Variants in IL1RAPL1 observed in about 807,000 individuals in gnomAD.
The protein encoded by IL1RAPL1 is interleukin 1 receptor accessory protein like 1, also known as interleukin-1 receptor accessory protein-like 1.
In IL1RAPL1, 3 loss-of-function variants were observed where a neutral mutation model predicts 48.4. That is an observed-to-expected ratio of 0.06 (90% CI 0.03 to 0.16). The LOEUF is 0.16. Ranked by LOEUF, IL1RAPL1 falls within the 10% of genes least tolerant of loss-of-function variation. IL1RAPL1 has a pLI of 1.00. For missense variants in IL1RAPL1, 349 were observed against 530.6 expected (o/e 0.66, Z 3.36); for synonymous variants, 185 against 187.7 (o/e 0.99, Z 0.12).
At chrX:29,245,338 G>A (rs1931491515) in intron 2 of IL1RAPL1, among the ~76,000 whole-genome samples, 1 of 111,331 alleles carries the variant, frequency 9.0e-6, no homozygotes, top group Admixed American at 9.5e-5. Flanking sequence ...CTAGATCCTT[G>A]AGGAATCACC....
At chrX:28,701,426 C>T (rs1935295694) in intron 1 of IL1RAPL1, among the ~76,000 whole-genome samples, 1 of 111,628 alleles carries the variant, frequency 9.0e-6, no homozygotes, top group Non-Finnish European at 1.9e-5. Flanking sequence ...CAGTTATTTT[C>T]CTGCCATGAT....
intron 3 of IL1RAPL1, among the ~76,000 whole-genome samples, chrX:29,289,423 C>G (rs1447294848): frequency 8.9e-6 from 1 of 111,733 alleles, no homozygotes; most frequent in East Asian, 2.8e-4. Context: ...TTTTTTATTC[C>G]ATACCTTTGT....
chrX:29,600,312 A>G lies in IL1RAPL1; in HGVS notation c.704-68118A>G, dbSNP rs142093075. On this transcript the variant is annotated intron_variant, in intron 5 of 10. Transcript: ENST00000378993. ...TTGCTCTTCTGGGTCTAGCCACCCA[A>G]TGGAGCTACTGGGCTCTGGGCTGGT... Among the ~76,000 whole-genome samples, 934 of 111,848 alleles carry G rather than the reference A, an allele frequency of 8.4e-3. 13 individuals are homozygous for G. Among genetic ancestry groups the G allele is most frequent in the African/African-American group, 0.029 (881 of 30,711 alleles).
chrX:29,788,450 A>G (rs762767570), intron 6 of IL1RAPL1, among the ~76,000 whole-genome samples: 8 of 111,695 alleles, frequency 7.2e-5, no homozygotes, highest in African/African-American at 9.8e-5. Context: ...CATTATCTGC[A>G]CTCTAATCTG....
intron 3 of IL1RAPL1, among the ~76,000 whole-genome samples, chrX:29,354,905 T>A (rs1030538688): frequency 5.4e-5 from 6 of 112,028 alleles, no homozygotes; most frequent in Admixed American, 9.5e-5. Flanking sequence ...TATACATGGG[T>A]GATACCCAAG....
chrX:28,904,747 T>C (rs1923173273), intron 2 of IL1RAPL1, among the ~76,000 whole-genome samples: 1 of 111,991 alleles, frequency 8.9e-6, no homozygotes, highest in South Asian at 3.7e-4. Context: ...ATATGAGATT[T>C]AAACCCAATG....
At chrX:28,734,859 C>G (rs1361093642) in intron 1 of IL1RAPL1, among the ~76,000 whole-genome samples, 1 of 111,501 alleles carries the variant, frequency 9.0e-6, no homozygotes, top group African/African-American at 3.3e-5. Flanking sequence ...TTTTCCTCTC[C>G]CCTACAAATA....
chrX:28,911,281 T>C (rs1023120521), intron 2 of IL1RAPL1, among the ~76,000 whole-genome samples: 1 of 111,737 alleles, frequency 8.9e-6, no homozygotes, highest in Admixed American at 9.5e-5. Context: ...AGCTTTTTTT[T>C]CTGGAAGTAA....
rs761097531 is a variant in IL1RAPL1, at chrX:29,089,001, G to GCTT, written c.83-193937_83-193936insCTT. 2.9e-4 allele frequency among the ~76,000 whole-genome samples: 32 copies of GCTT among 111,388 alleles called. No homozygotes were observed. In the South Asian group the frequency reaches 0.011, roughly 39 times the overall value. On this transcript the variant is annotated intron_variant, in intron 2 of 10. Transcript: ENST00000378993. ...AAAAAATGTTTCCTGGAGAAAATGA[G>GCTT]AACAGTCCTACCTTTAAGCAAATTG... is the stretch of plus-strand genomic sequence containing the variant.
intron 5 of IL1RAPL1, among the ~76,000 whole-genome samples, chrX:29,575,090 G>T (rs1440528776): frequency 1.8e-5 from 2 of 111,592 alleles, no homozygotes; most frequent in African/African-American, 6.5e-5. Flanking sequence ...CTTCTTCTGA[G>T]CCCTCCAACT....
At chrX:29,928,487 AT>A (rs1228856629) in intron 8 of IL1RAPL1, among the ~76,000 whole-genome samples, 2 of 111,783 alleles carry the variant, frequency 1.8e-5, no homozygotes, top group Non-Finnish European at 3.8e-5. Flanking sequence ...CCCACTACAA[AT>A]CTCACTTCAC....
chrX:28,945,981 A>G (rs1162234273), intron 2 of IL1RAPL1, among the ~76,000 whole-genome samples: 1 of 108,510 alleles, frequency 9.2e-6, no homozygotes, highest in Non-Finnish European at 1.9e-5. Context: ...AATCCAGTAC[A>G]TAGAAAAGCA....
chrX:29,557,866 AAT>A (rs1240358868), intron 5 of IL1RAPL1, among the ~76,000 whole-genome samples: 4 of 111,218 alleles, frequency 3.6e-5, no homozygotes, highest in African/African-American at 1.3e-4. Context: ...TTTAAAAAAA[AAT>A]GCTAAATAAT....
chrX:28,695,638 A>C (rs1288654945), intron 1 of IL1RAPL1, among the ~76,000 whole-genome samples: 1 of 111,950 alleles, frequency 8.9e-6, no homozygotes, highest in African/African-American at 3.2e-5. Flanking sequence ...CAGAAGTCCG[A>C]TTTTTAATGA....
chrX:29,942,982 A>G (rs1304670557), intron 9 of IL1RAPL1, among the ~76,000 whole-genome samples: 1 of 110,261 alleles, frequency 9.1e-6, no homozygotes, highest in Non-Finnish European at 1.9e-5. Flanking sequence ...AATGGTACCA[A>G]GGAAAATGAG....
chrX:29,603,549 G>T (rs376115664), intron 5 of IL1RAPL1, among the ~76,000 whole-genome samples: 1 of 111,239 alleles, frequency 9.0e-6, no homozygotes, highest in African/African-American at 3.3e-5. Context: ...AGCTGATCTC[G>T]CAGCCCAATC....
chrX:28,839,259 A>T (rs1330618214), intron 2 of IL1RAPL1, among the ~76,000 whole-genome samples: 1 of 111,181 alleles, frequency 9.0e-6, no homozygotes, highest in East Asian at 2.8e-4. Context: ...TTGAAATTTG[A>T]CCTTCTTGAT....
intron 5 of IL1RAPL1, among the ~76,000 whole-genome samples, chrX:29,449,738 T>TACACACACACACAC (rs539577442): frequency 4.7e-5 from 3 of 63,918 alleles, no homozygotes; most frequent in East Asian, 6.5e-4. Flanking sequence ...TACATATGCA[T>TACACACACACACAC]ACACACACAC....
At chrX:29,018,928 A>G (rs190812838) in intron 2 of IL1RAPL1, among the ~76,000 whole-genome samples, 45 of 112,013 alleles carry the variant, frequency 4.0e-4, no homozygotes, top group Middle Eastern at 4.6e-3. Context: ...TCATGCTGCT[A>G]TATGGACATA....
Sources: gnomAD v4.1 joint callset for allele counts (sites outside exome capture counted in the v4.1 genomes callset) on GRCh38, gnomAD v4.1.1 for gene constraint, MANE v1.5 for transcripts, NCBI Gene and HGNC (gene_info 2026-07-23, HGNC 2026-07-21) for gene names.